Variants in GPR158 observed in about 807,000 individuals in gnomAD.
GPR158 encodes G protein-coupled receptor 158.
A neutral mutation model predicts 78.2 loss-of-function variants in GPR158; 30 were observed. That is an observed-to-expected ratio of 0.38 (90% CI 0.29 to 0.52). The LOEUF is 0.52. Ranked by LOEUF, GPR158 falls within the 20% of genes least tolerant of loss-of-function variation. GPR158 has a pLI of 0.83. For synonymous variants in GPR158, 581 were observed against 591.1 expected, an observed-to-expected ratio of 0.98 and a Z score of 0.25; for missense variants, 1,463 against 1,523.5, an observed-to-expected ratio of 0.96 and a Z score of 0.66.
rs1834063875 is a variant in GPR158 at position 25,375,422 on chromosome 10, A to C, written c.1009-20489A>C. ...TTTATGAATTGTGTTTCTGATGTCA[A>C]GTCTAAAAATGTTCCACCTAGGTCT... On this transcript the variant is annotated intron_variant, in intron 2 of 10. Transcript: ENST00000376351. Among the ~76,000 whole-genome samples, 5 of 151,212 alleles carry C rather than the reference A, an allele frequency of 3.3e-5. No individual in the cohort carries two copies. The Admixed American group carries it at 3.3e-4, about 10-fold the overall frequency.
intron 2 of GPR158, among the ~76,000 whole-genome samples, chr10:25,312,020 G>T (rs371325512): frequency 2.6e-5 from 4 of 151,820 alleles, no homozygotes; most frequent in Non-Finnish European, 4.4e-5. Context: ...ATTTATTTTG[G>T]TCAAACTATA....
At chr10:25,195,213 CTT>C (rs1440678691) in intron 1 of GPR158, among the ~76,000 whole-genome samples, 1 of 146,748 alleles carries the variant, frequency 6.8e-6, no homozygotes, top group Admixed American at 6.8e-5. Context: ...TTCTTTCTTT[CTT>C]TTTTTTTTGA....
chr10:25,589,137 T>C lies in GPR158; in HGVS notation c.1884T>C (p.His628=), dbSNP rs779902747. 1 of 1,603,968 alleles carries C rather than the reference T, an allele frequency of 6.2e-7. No homozygotes were observed. The highest frequency in any genetic ancestry group is 8.5e-7 in the Non-Finnish European group (1 of 1,173,406). Residue 628 remains histidine, a synonymous_variant, in exon 8 of 11, where the codon CAT becomes CAC. Coordinates refer to ENST00000376351, the MANE Select transcript of GPR158 (RefSeq NM_020752.3). The part of the protein sequence containing the change: ...HNELIISAIF[H]TIRFVLASRL... ...AGCTCATCATCTCTGCTATATTCCA[T>C]ACAATTAGGCAAGTGATCTGTAGAG... is the stretch of plus-strand genomic sequence containing the variant.
chr10:25,358,937 T>C (rs552459037), intron 2 of GPR158, among the ~76,000 whole-genome samples: 137 of 152,250 alleles, frequency 9.0e-4, no homozygotes, highest in African/African-American at 3.1e-3. Flanking sequence ...TGTGTTCTGC[T>C]ATTGTTGAAT....
chr10:25,283,217 T>C (rs1017070565), intron 2 of GPR158, among the ~76,000 whole-genome samples: 13 of 152,182 alleles, frequency 8.5e-5, no homozygotes, highest in African/African-American at 2.9e-4. Context: ...TATCTATTTC[T>C]TCTGGAATAG....
At position 25,509,879 on chromosome 10, in the gene GPR158, A is replaced by G. The variant is rs551073686; in HGVS notation, c.1405-41097A>G. ...TAAGTGTGTGCCACTGCACCTGGCT[A>G]ATTTTTGTATTTTTAGTTGAGACGG... On this transcript the variant is annotated intron_variant, in intron 5 of 10. Transcript: ENST00000376351. Among the ~76,000 whole-genome samples the G allele has an allele frequency of 3.9e-5, 6 of 152,086 alleles. 1 individual carries two copies. In the South Asian group the frequency reaches 6.2e-4, roughly 16 times the overall value.
At chr10:25,267,802 G>T (rs980908081) in intron 2 of GPR158, among the ~76,000 whole-genome samples, 2 of 151,924 alleles carry the variant, frequency 1.3e-5, no homozygotes, top group African/African-American at 4.8e-5. Context: ...CAGACTCTTG[G>T]TTATAACTTT....
intron 5 of GPR158, among the ~76,000 whole-genome samples, chr10:25,506,871 G>T (rs1418874717): frequency 6.6e-6 from 1 of 152,150 alleles, no homozygotes; most frequent in East Asian, 1.9e-4. Flanking sequence ...TATCTGATAT[G>T]CAAAGTACAG....
chr10:25,319,705 A>G (rs946913595), intron 2 of GPR158, among the ~76,000 whole-genome samples: 5 of 152,140 alleles, frequency 3.3e-5, no homozygotes, highest in Non-Finnish European at 5.9e-5. Flanking sequence ...AGCTAATCAC[A>G]TCGGCGACAT....
At chr10:25,407,586 C>T (rs1034404563) in intron 3 of GPR158, among the ~76,000 whole-genome samples, 2 of 152,168 alleles carry the variant, frequency 1.3e-5, no homozygotes, top group Non-Finnish European at 2.9e-5. Flanking sequence ...AAAGCCTTCT[C>T]CACATATGTT....
At chr10:25,204,818 G>GTTT (rs1159106958) in intron 1 of GPR158, among the ~76,000 whole-genome samples, 2,164 of 118,844 alleles carry the variant, frequency 0.018, 120 homozygotes, top group African/African-American at 0.07. Flanking sequence ...GTCTCTGAGG[G>GTTT]TTTTTTTTTT....
chr10:25,567,219 C>T (rs1038250951), intron 6 of GPR158, among the ~76,000 whole-genome samples: 2 of 152,098 alleles, frequency 1.3e-5, no homozygotes, highest in Non-Finnish European at 2.9e-5. Context: ...TTATTAGAAG[C>T]CTTGCATTCT....
At chr10:25,238,557 C>T (rs996768322) in intron 2 of GPR158, among the ~76,000 whole-genome samples, 1 of 152,168 alleles carries the variant, frequency 6.6e-6, no homozygotes, top group Non-Finnish European at 1.5e-5. Flanking sequence ...GCATTTTTAA[C>T]TGCTTATGAT....
intron 2 of GPR158, among the ~76,000 whole-genome samples, chr10:25,263,575 T>C (rs1202861804): frequency 2.6e-5 from 4 of 152,192 alleles, no homozygotes; most frequent in African/African-American, 4.8e-5. Flanking sequence ...CTTCTCACTA[T>C]TTAAAAAAAA....
chr10:25,421,232 T>G (rs1209752547), intron 4 of GPR158, among the ~76,000 whole-genome samples: 3 of 152,220 alleles, frequency 2.0e-5, no homozygotes, highest in Non-Finnish European at 4.4e-5. Context: ...ATAGGTTTTA[T>G]GATTTGTATT....
At chr10:25,218,858 ATTT>A in intron 1 of GPR158, among the ~76,000 whole-genome samples, 1 of 147,740 alleles carries the variant, frequency 6.8e-6, no homozygotes, top group East Asian at 2.0e-4. Flanking sequence ...CATGGAACTT[ATTT>A]TTTTTTTTGT....
intron 2 of GPR158, among the ~76,000 whole-genome samples, chr10:25,329,734 C>T (rs1183337320): frequency 6.6e-6 from 1 of 151,738 alleles, no homozygotes; most frequent in Non-Finnish European, 1.5e-5. Flanking sequence ...AATTAGACAT[C>T]TAGCAGATCT....
At position 25,219,770 on chromosome 10, in the gene GPR158, A is replaced by C. The variant is rs1014667768; in HGVS notation, c.903-1282A>C. 2.6e-5 allele frequency among the ~76,000 whole-genome samples: 4 copies of C among 152,338 alleles called. No homozygotes were observed. The East Asian group carries it at 7.7e-4, about 29-fold the overall frequency. On this transcript the variant is annotated intron_variant, in intron 1 of 10. Coordinates refer to ENST00000376351, the MANE Select transcript of GPR158 (RefSeq NM_020752.3). ...CCATGCTGTTAGAATGCTTCACAGT[A>C]GTTTAAAAGGAGAAAAGAGATGAGA...
chr10:25,414,972 G>A (rs1383919014), intron 4 of GPR158, among the ~76,000 whole-genome samples: 1 of 152,040 alleles, frequency 6.6e-6, no homozygotes, highest in Non-Finnish European at 1.5e-5. Context: ...GCCTTTTATT[G>A]TCTAGCTTTC....
Sources: allele counts gnomAD v4.1 joint callset (sites outside exome capture counted in the v4.1 genomes callset), GRCh38; gene constraint gnomAD v4.1.1; transcripts MANE v1.5; gene names NCBI Gene and HGNC (gene_info 2026-07-23, HGNC 2026-07-21).